Variants in ALDH7A1 observed in about 807,000 individuals in gnomAD.
ALDH7A1 encodes the protein aldehyde dehydrogenase 7 family member A1, also known as alpha-aminoadipic semialdehyde dehydrogenase.
Under a neutral mutation model 79.9 loss-of-function variants are expected in ALDH7A1, and 63 were observed. The observed-to-expected ratio is 0.79, with a 90% CI of 0.64 to 0.97. ALDH7A1 has a LOEUF of 0.97. ALDH7A1 is among the 50% of genes least tolerant of loss of function. The pLI, the probability that ALDH7A1 is intolerant of heterozygous loss-of-function variation, is 0.00. For missense variants in ALDH7A1, 627 were observed against 665.2 expected (o/e 0.94, Z 0.63); for synonymous variants, 240 against 231.2 (o/e 1.04, Z -0.34).
Position 126,577,159 on chromosome 5 carries a change from G to T in ALDH7A1, c.570C>A (p.Ile190=). The change falls in exon 6 of 18, where the codon ATC becomes ATA. Residue 190 remains isoleucine (I), a synonymous_variant. Coordinates refer to ENST00000409134, the MANE Select transcript of ALDH7A1 (RefSeq NM_001182.5). ...CCACAGGGAAATTGAATGCCGTGAT[G>T]ATTCCAACCAGGCCTACGGGATTCC... ...EQWNPVGLVG[I]ITAFNFPVAV... is the part of the protein sequence containing the mutation. The T allele has an allele frequency of 1.2e-6, 2 of 1,614,188 alleles. No homozygotes were observed. Among genetic ancestry groups the T allele is most frequent in the Non-Finnish European group, 1.7e-6 (2 of 1,180,042 alleles).
intron 9 of ALDH7A1, chr5:126,567,775 A>ATTT (rs753743965): frequency 1.5e-4 from 20 of 131,538 alleles, no homozygotes; most frequent in South Asian, 8.8e-4. Context: ...CCTGGCTTGA[A>ATTT]TTTTTTTTTT....
At chr5:126,567,771 T>C (rs186255529) in intron 9 of ALDH7A1, 1 of 164,594 alleles carries the variant, frequency 6.1e-6, no homozygotes, top group Non-Finnish European at 1.3e-5. Context: ...TGTGCCTGGC[T>C]TGAATTTTTT....
At chr5:126,546,263 T>G (rs149356946) in intron 17 of ALDH7A1, 61 bp downstream of exon 17, 71 of 1,438,098 alleles carry the variant, frequency 4.9e-5, no homozygotes, top group Admixed American at 4.2e-4. Flanking sequence ...AGTAGGAAAG[T>G]GTAAAAGCCC....
chr5:126,587,940 G>A (rs34241005), intron 3 of ALDH7A1: 53,135 of 151,982 alleles, frequency 0.35, 14,737 homozygotes, highest in African/African-American at 0.78. Flanking sequence ...AGGATCCCCA[G>A]CTGACTCTAC....
chr5:126,571,048 A>T (rs1750751875), intron 7 of ALDH7A1, 189 bp from the exon 8 acceptor site: 1 of 605,946 alleles, frequency 1.7e-6, no homozygotes, highest in Non-Finnish European at 3.0e-6. Context: ...TTCTAACATT[A>T]AGAACCCTCT....
intron 3 of ALDH7A1, 62 bp downstream of exon 3, chr5:126,592,598 GTATC>G: frequency 3.3e-6 from 5 of 1,493,954 alleles, no homozygotes; most frequent in Non-Finnish European, 4.7e-6. Flanking sequence ...AGATGTTTAT[GTATC>G]TCATTGGTTA....
intron 16 of ALDH7A1, among the ~76,000 whole-genome samples, chr5:126,547,038 G>A (rs919957538): frequency 2.6e-5 from 4 of 152,164 alleles, no homozygotes; most frequent in Non-Finnish European, 4.4e-5. Flanking sequence ...CAAAGAATGG[G>A]AAGCCAGCAA....
intron 8 of ALDH7A1, 172 bp downstream of exon 8, chr5:126,570,610 T>C (rs753649363): frequency 1.3e-5 from 9 of 703,746 alleles, no homozygotes; most frequent in Non-Finnish European, 1.8e-5. Flanking sequence ...CATCCTCCAA[T>C]AGGAGTTAGG....
Position 126,593,045 on chromosome 5 carries a change from C to T in ALDH7A1, c.246+306G>A, listed in dbSNP as rs6861395. 0.098 allele frequency among the ~76,000 whole-genome samples: 14,950 copies of T among 152,186 alleles called. 748 individuals are homozygous for T. The highest frequency in any genetic ancestry group is 0.12 in the African/African-American group (5,011 of 41,522). On this transcript the variant is annotated intron_variant, in intron 2 of 17. Transcript: ENST00000409134. ...GACTTCGGAAATCAGAAGCTTCATT[C>T]TAACAAAATCCTCAGGTACTTCAGA...
At chr5:126,572,630 C>T (rs781772392) in intron 7 of ALDH7A1, among the ~76,000 whole-genome samples, 2 of 152,206 alleles carry the variant, frequency 1.3e-5, no homozygotes, top group African/African-American at 4.8e-5. Flanking sequence ...AATGGGAATG[C>T]CATGCTTTTT....
chr5:126,559,466 G>A (rs1487105021), intron 10 of ALDH7A1, 132 bp from the exon 11 acceptor site: 6 of 574,602 alleles, frequency 1.0e-5, no homozygotes, highest in South Asian at 6.7e-5. Context: ...ACAGAGTTTT[G>A]TTCTTGTCAC....
chr5:126,582,126 C>T (rs973520540), intron 5 of ALDH7A1: 10 of 398,490 alleles, frequency 2.5e-5, no homozygotes, highest in South Asian at 1.3e-4. Context: ...AGTTTGAGAC[C>T]AGCCTGAACA....
At chr5:126,557,959 G>C (rs1437327262) in intron 11 of ALDH7A1, among the ~76,000 whole-genome samples, 1 of 151,716 alleles carries the variant, frequency 6.6e-6, no homozygotes, top group Non-Finnish European at 1.5e-5. Flanking sequence ...GCTGAGGTCA[G>C]GAGTTCAAGA....
At chr5:126,565,100 G>A (rs1054431304) in intron 9 of ALDH7A1, among the ~76,000 whole-genome samples, 3 of 152,086 alleles carry the variant, frequency 2.0e-5, no homozygotes, top group Non-Finnish European at 4.4e-5. Flanking sequence ...GGCCATTTAA[G>A]ATGTCTATTC....
chr5:126,577,796 C>T (rs1254233123), intron 5 of ALDH7A1, among the ~76,000 whole-genome samples: 1 of 151,732 alleles, frequency 6.6e-6, no homozygotes, highest in Non-Finnish European at 1.5e-5. Context: ...AAACTCCTGA[C>T]CTCAAGTGAT....
Position 126,541,883 on chromosome 5 carries a change from C to T in ALDH7A1, c.*3082G>A, listed in dbSNP as rs1023650262. The T allele has an allele frequency of 7.3e-5, 11 of 151,048 alleles. No individual in the cohort carries two copies. The highest frequency in any genetic ancestry group is 7.3e-4 in the Admixed American group (11 of 15,144). 9.4% of individuals were successfully genotyped at this position (151,048 alleles called of 1,614,324 possible). On this transcript the variant is annotated 3_prime_UTR_variant, in exon 18 of 18. Transcript: ENST00000409134. ...TTTTTATTTTTAAAAGGGAAATTAACGTAGACAAATCGTAACATGTACCCC... is the reference window on the plus strand; with the variant it reads ...TTTTTATTTTTAAAAGGGAAATTAATGTAGACAAATCGTAACATGTACCCC...
Position 126,561,519 on chromosome 5 carries a change from T to C in ALDH7A1, c.872-395A>G, listed in dbSNP as rs1178657775. Reference sequence around the variant, plus strand: ...GTGTGTGTGTGTGTGTGTGTACGTGTGCGTGCACGCGCGCACAGATGTTGC... The same window carrying C: ...GTGTGTGTGTGTGTGTGTGTACGTGCGCGTGCACGCGCGCACAGATGTTGC... On this transcript the variant is annotated intron_variant, in intron 9 of 17. Transcript: ENST00000409134. The C allele has an allele frequency of 2.6e-5, 4 of 154,784 alleles. No individual in the cohort carries two copies. The East Asian group carries it at 7.6e-4, about 29-fold the overall frequency. The allele number at this position is 154,784 out of a possible 1,614,324, so 9.6% of individuals were successfully genotyped here.
intron 11 of ALDH7A1, among the ~76,000 whole-genome samples, chr5:126,558,185 A>C (rs1750272720): frequency 1.3e-5 from 2 of 150,912 alleles, no homozygotes; most frequent in East Asian, 1.9e-4. Flanking sequence ...AAAAAAAAAA[A>C]AAAAAACACA....
chr5:126,544,785 T>C lies in ALDH7A1; in HGVS notation c.*180A>G. On this transcript the variant is annotated 3_prime_UTR_variant, in exon 18 of 18. Coordinates refer to ENST00000409134, the MANE Select transcript of ALDH7A1 (RefSeq NM_001182.5). ...AACTATGGCTATGTTGTAACAATTT[T>C]ATTTTGATTTTTAAAAAAGGAATCT... 1.6e-6 allele frequency: 1 copy of C among 608,004 alleles called. No homozygotes were observed. The highest frequency in any genetic ancestry group is 2.0e-5 in the South Asian group (1 of 50,690). 37.7% of individuals were successfully genotyped at this position (608,004 alleles called of 1,614,324 possible).
Sources: allele counts gnomAD v4.1 joint callset (sites outside exome capture counted in the v4.1 genomes callset), GRCh38; gene constraint gnomAD v4.1.1; transcripts MANE v1.5; gene names NCBI Gene and HGNC (gene_info 2026-07-23, HGNC 2026-07-21).